Variants in COMMD1 observed in about 807,000 individuals in gnomAD.
COMMD1 encodes the protein COMM domain-containing protein 1.
A neutral mutation model predicts 17.2 loss-of-function variants in COMMD1; 10 were observed. The observed-to-expected ratio is 0.58, with a 90% confidence interval of 0.36 to 0.99. The LOEUF (loss-of-function observed/expected upper bound fraction) is 0.99, where lower values mean the gene tolerates loss of function less well. Ranked by LOEUF, COMMD1 falls within the 50% of genes least tolerant of loss-of-function variation. The pLI is 0.01. For missense variants in COMMD1, 270 were observed against 231.8 expected (o/e 1.17, Z -1.07); for synonymous variants, 97 against 91.6 (o/e 1.06, Z -0.34).
intron 2 of COMMD1, among the ~76,000 whole-genome samples, chr2:62,045,943 G>T (rs995265894): frequency 3.3e-5 from 5 of 151,798 alleles, no homozygotes; most frequent in African/African-American, 1.2e-4. Flanking sequence ...CACCATGTTG[G>T]CCAGGCTGGT....
At chr2:62,066,436 CTTTTT>C (rs34663203) in intron 2 of COMMD1, among the ~76,000 whole-genome samples, 1 of 137,048 alleles carries the variant, frequency 7.3e-6, no homozygotes, top group African/African-American at 2.7e-5. Context: ...AAGATCAAAT[CTTTTT>C]TTTTTTTTTT....
chr2:61,945,439 C>T (rs920456796), intron 1 of COMMD1, among the ~76,000 whole-genome samples: 3 of 152,200 alleles, frequency 2.0e-5, no homozygotes. Context: ...CAATTATCCT[C>T]TTGGTTTGAG....
In COMMD1 at chr2:61,977,988, GA is replaced by G. The variant is rs759260116; in HGVS notation, c.181-22699del. 1.1e-3 allele frequency among the ~76,000 whole-genome samples: 144 copies of G among 134,638 alleles called. No homozygotes were observed. The Middle Eastern group carries it at 0.012, about 11-fold the overall frequency. The allele number at this position is 134,638 out of a possible 152,430, so 88.3% of individuals were successfully genotyped here. The stretch of plus-strand genomic sequence containing the variant: ...TGGGCAACACAGGGAGATTCTGTCT[GA>G]AAAAAAAAAAAAAGTTGACATTGAG... On this transcript the variant is annotated intron_variant, in intron 1 of 2. Transcript: ENST00000311832.
At chr2:62,012,396 G>A (rs562614859) in intron 2 of COMMD1, among the ~76,000 whole-genome samples, 12 of 144,876 alleles carry the variant, frequency 8.3e-5, no homozygotes, top group Non-Finnish European at 1.3e-4. Flanking sequence ...GGCTCTCACC[G>A]CAATCTCTGC....
At chr2:61,988,752 T>G (rs1672169331) in intron 1 of COMMD1, among the ~76,000 whole-genome samples, 2 of 152,176 alleles carry the variant, frequency 1.3e-5, no homozygotes, top group Admixed American at 1.3e-4. Flanking sequence ...TTTCAGTCCT[T>G]GTGGCCTAGA....
intron 2 of COMMD1, among the ~76,000 whole-genome samples, chr2:62,055,801 GCA>G (rs1470198208): frequency 3.3e-5 from 5 of 152,208 alleles, no homozygotes; most frequent in African/African-American, 2.4e-5. Flanking sequence ...CTCTCAGCTA[GCA>G]CCATAAGTAG....
At chr2:62,090,303 C>T (rs1401315917) in intron 2 of COMMD1, among the ~76,000 whole-genome samples, 3 of 152,132 alleles carry the variant, frequency 2.0e-5, no homozygotes, top group African/African-American at 4.8e-5. Context: ...CCAAAAAAAC[C>T]ACTGCATGCT....
chr2:61,972,823 A>C (rs1201365449), intron 1 of COMMD1, among the ~76,000 whole-genome samples: 1 of 151,952 alleles, frequency 6.6e-6, no homozygotes, highest in Non-Finnish European at 1.5e-5. Flanking sequence ...TCATCTTATA[A>C]AATTTCTGTT....
chr2:61,943,258 A>C (rs1191856417), intron 1 of COMMD1, among the ~76,000 whole-genome samples: 1 of 152,218 alleles, frequency 6.6e-6, no homozygotes, highest in Non-Finnish European at 1.5e-5. Context: ...AAAACCTGGC[A>C]TGCCCTTCCA....
intron 1 of COMMD1, among the ~76,000 whole-genome samples, chr2:61,889,831 T>C (rs1275615574): frequency 1.3e-5 from 2 of 152,164 alleles, no homozygotes; most frequent in Non-Finnish European, 2.9e-5. Flanking sequence ...ACGTAAACAT[T>C]ATAATAAAGA....
At chr2:62,131,641 C>T (rs1262571124) in intron 2 of COMMD1, among the ~76,000 whole-genome samples, 1 of 152,146 alleles carries the variant, frequency 6.6e-6, no homozygotes, top group Non-Finnish European at 1.5e-5. Flanking sequence ...CTCCCAGGCT[C>T]AAGCAATCCT....
At chr2:62,041,393 T>G (rs1191120218) in intron 2 of COMMD1, among the ~76,000 whole-genome samples, 1 of 152,150 alleles carries the variant, frequency 6.6e-6, no homozygotes, top group Non-Finnish European at 1.5e-5. Flanking sequence ...AAGTAATCAT[T>G]GAGCTGTTTT....
intron 2 of COMMD1, among the ~76,000 whole-genome samples, chr2:62,047,361 A>G (rs1381026109): frequency 6.6e-6 from 1 of 152,192 alleles, no homozygotes; most frequent in African/African-American, 2.4e-5. Context: ...GTATACAGTA[A>G]TGTCCTAGGC....
chr2:62,078,097 A>T (rs1327989589), intron 2 of COMMD1, among the ~76,000 whole-genome samples: 1 of 151,956 alleles, frequency 6.6e-6, no homozygotes, highest in Admixed American at 6.6e-5. Flanking sequence ...AACACGGTGA[A>T]ACCCTGTCTG....
At chr2:61,975,169 C>G (rs1395976919) in intron 1 of COMMD1, among the ~76,000 whole-genome samples, 1 of 78,426 alleles carries the variant, frequency 1.3e-5, no homozygotes, top group Admixed American at 1.7e-4. Flanking sequence ...TCTAATTTTC[C>G]TCTTTGGGAA....
At chr2:62,105,787 C>A (rs1054409624) in intron 2 of COMMD1, among the ~76,000 whole-genome samples, 10 of 151,122 alleles carry the variant, frequency 6.6e-5, no homozygotes, top group African/African-American at 2.4e-4. Context: ...TGTGCCACTG[C>A]ATTCCAGCTT....
Position 61,942,576 on chromosome 2 carries a change from G to A in COMMD1, c.180+36718G>A, listed in dbSNP as rs1259348138. Among the ~76,000 whole-genome samples, 4 of 116,496 alleles carry A rather than the reference G, an allele frequency of 3.4e-5. No homozygotes were observed. The Admixed American group carries it at 4.5e-4, about 13-fold the overall frequency. The allele number at this position is 116,496 out of a possible 152,430, so 76.4% of individuals were successfully genotyped here. On this transcript the variant is annotated intron_variant, in intron 1 of 2. Coordinates refer to ENST00000311832, the MANE Select transcript of COMMD1 (RefSeq NM_152516.4). Reference sequence around the variant, plus strand: ...TTTTTTTTTTTTGATGTCTCACTCTGTTGCCCAGGCTGAAGGGCAGTGGTG... The same window carrying A: ...TTTTTTTTTTTTGATGTCTCACTCTATTGCCCAGGCTGAAGGGCAGTGGTG...
chr2:61,927,043 G>A (rs1418145753), intron 1 of COMMD1, among the ~76,000 whole-genome samples: 1 of 152,166 alleles, frequency 6.6e-6, no homozygotes, highest in Non-Finnish European at 1.5e-5. Context: ...ATGTTCCCAT[G>A]AATTGAGCAG....
chr2:61,898,558 CAG>C (rs1363822219), intron 1 of COMMD1, among the ~76,000 whole-genome samples: 4 of 152,058 alleles, frequency 2.6e-5, no homozygotes, highest in Non-Finnish European at 4.4e-5. Context: ...AGAATGGAGA[CAG>C]AGGGCAGGTA....
Sources: allele counts gnomAD v4.1 joint callset (sites outside exome capture counted in the v4.1 genomes callset), GRCh38; gene constraint gnomAD v4.1.1; transcripts MANE v1.5; gene names NCBI Gene and HGNC (gene_info 2026-07-23, HGNC 2026-07-21).